Variants in ZNF124 observed in about 807,000 individuals in gnomAD.
ZNF124 encodes the protein zinc finger protein HZF-16.
Under a neutral mutation model 26.6 loss-of-function variants are expected in ZNF124, and 25 were observed. The observed-to-expected ratio is 0.94, with a 90% confidence interval of 0.68 to 1.31. ZNF124 has a LOEUF of 1.31. Among genes scored for constraint, ZNF124 ranks in the 40% most tolerant of loss-of-function variants. ZNF124 has a pLI of 0.00. For synonymous variants in ZNF124, 129 were observed against 133.3 expected, an observed-to-expected ratio of 0.97 and a Z score of 0.22; for missense variants, 444 against 422.2, an observed-to-expected ratio of 1.05 and a Z score of -0.45.
chr1:247,149,282 G>A (rs371944892), intron 3 of ZNF124, among the ~76,000 whole-genome samples: 5 of 152,156 alleles, frequency 3.3e-5, no homozygotes, highest in Non-Finnish European at 2.9e-5. Flanking sequence ...ATAAAAAACC[G>A]TAAGGTGGCT....
chr1:247,156,460 G>T lies in ZNF124; in HGVS notation c.*106C>A. 1 of 1,343,864 alleles carries T rather than the reference G, an allele frequency of 7.4e-7. No individual in the cohort carries two copies. Among genetic ancestry groups the T allele is most frequent in the South Asian group, 2.2e-5 (1 of 44,522 alleles). The allele number at this position is 1,343,864 out of a possible 1,614,324, so 83.2% of individuals were successfully genotyped here. A position where few individuals can be genotyped will look rare whatever the true frequency, so the allele number is the denominator to read the frequency against. Reference sequence around the variant, plus strand: ...CCAGTTTGATTCGTTTCATGTATTTGAGGAAATCTGGGAAAATTAAGTACT... The same window carrying T: ...CCAGTTTGATTCGTTTCATGTATTTTAGGAAATCTGGGAAAATTAAGTACT... On this transcript the variant is annotated 3_prime_UTR_variant, in exon 4 of 4. Coordinates refer to ENST00000543802, the MANE Select transcript of ZNF124 (RefSeq NM_001297568.2).
downstream of ZNF124, among the ~76,000 whole-genome samples, chr1:247,154,135 G>C (rs1043647751): frequency 4.7e-5 from 7 of 149,378 alleles, no homozygotes; most frequent in African/African-American, 7.5e-5. Context: ...CACACACACA[G>C]ATATAAGTTG....
intron 3 of ZNF124, among the ~76,000 whole-genome samples, chr1:247,143,228 C>T (rs545645172): frequency 8.5e-5 from 13 of 152,136 alleles, no homozygotes; most frequent in Non-Finnish European, 1.6e-4. Flanking sequence ...TCAAGACACA[C>T]CCAAATGCCT....
chr1:247,168,102 G>T lies in ZNF124; in HGVS notation c.30+3746C>A, dbSNP rs909863269. Among the ~76,000 whole-genome samples the T allele has an allele frequency of 5.9e-5, 9 of 152,228 alleles. No individual in the cohort carries two copies. The highest frequency in any genetic ancestry group is 1.9e-4 in the African/African-American group (8 of 41,466). On this transcript the variant is annotated intron_variant, in intron 1 of 3. Transcript: ENST00000543802. This position sits in a 1 kb window ranked among gnomAD's most constrained non-coding sequence, Gnocchi z 4.0. Reference sequence around the variant, plus strand: ...GAACAGGGAACACTTCTACACTGCTGATGGGAGTGTCAACTAGTACAACCG... The same window carrying T: ...GAACAGGGAACACTTCTACACTGCTTATGGGAGTGTCAACTAGTACAACCG...
At position 247,157,271 on chromosome 1, in the gene ZNF124, A is replaced by C; in HGVS notation, c.351T>G (p.Thr117=). ...TRVHRDTVMH[T]GNGHYGCTIC... ...TTGTACAACCATAATGTCCATTTCC[A>C]GTGTGCATTACTGTGTCTCTGTGAA... The change falls in exon 4 of 4, where the codon ACT becomes ACG. Residue 117 remains threonine (T), a synonymous_variant. Coordinates refer to ENST00000543802, the MANE Select transcript of ZNF124 (RefSeq NM_001297568.2). 1 of 1,611,942 alleles carries C rather than the reference A, an allele frequency of 6.2e-7. No individual in the cohort carries two copies. The highest frequency in any genetic ancestry group is 1.1e-5 in the South Asian group (1 of 90,880).
At chr1:247,158,074 A>G (rs542326827) in intron 3 of ZNF124, among the ~76,000 whole-genome samples, 1 of 152,260 alleles carries the variant, frequency 6.6e-6, no homozygotes, top group African/African-American at 2.4e-5. Flanking sequence ...ACATGGTGAA[A>G]TGCTGTCTCT....
chr1:247,132,779 C>T (rs1255907415), intron 3 of ZNF124, among the ~76,000 whole-genome samples: 1 of 152,174 alleles, frequency 6.6e-6, no homozygotes, highest in Non-Finnish European at 1.5e-5. Flanking sequence ...TGTTCTGTTC[C>T]GTTCTGATTA....
intron 2 of ZNF124, 60 bp downstream of exon 2, chr1:247,159,627 T>C: frequency 1.3e-6 from 2 of 1,566,336 alleles, no homozygotes; most frequent in South Asian, 1.1e-5. Context: ...GGAATGACAT[T>C]GAAAACCATG....
chr1:247,159,598 T>G (rs1673355922), intron 2 of ZNF124, 89 bp downstream of exon 2: 4 of 1,440,668 alleles, frequency 2.8e-6, no homozygotes, highest in Non-Finnish European at 3.8e-6. Context: ...AAGTGTTCCC[T>G]TTGTACATTC....
chr1:247,166,519 C>T (rs1310854625), intron 1 of ZNF124, among the ~76,000 whole-genome samples: 1 of 152,136 alleles, frequency 6.6e-6, no homozygotes, highest in Non-Finnish European at 1.5e-5. Context: ...CTATTGTGTA[C>T]ATGTACCCCT....
intron 3 of ZNF124, among the ~76,000 whole-genome samples, chr1:247,146,897 C>T (rs973526584): frequency 3.9e-5 from 6 of 152,142 alleles, no homozygotes; most frequent in East Asian, 3.9e-4. Context: ...GAACAGGTAC[C>T]GGGGGGTAGC....
chr1:247,137,457 CAT>C, intron 3 of ZNF124, among the ~76,000 whole-genome samples: 1 of 104,012 alleles, frequency 9.6e-6, no homozygotes, highest in Non-Finnish European at 1.8e-5. Context: ...GCCTGGCCAA[CAT>C]AGCGAAACCC....
chr1:247,151,753 A>G (rs1672951760), downstream of ZNF124, among the ~76,000 whole-genome samples: 1 of 152,158 alleles, frequency 6.6e-6, no homozygotes, highest in African/African-American at 2.4e-5. Context: ...ACTAAAACAC[A>G]TGCATATGTG....
At chr1:247,159,984 T>TTTG in intron 1 of ZNF124, 171 bp from the exon 2 acceptor site, 1 of 424,326 alleles carries the variant, frequency 2.4e-6, no homozygotes, top group Non-Finnish European at 3.4e-6. Flanking sequence ...CAGTTCTTTT[T>TTTG]TTTTTTTTTT....
intron 3 of ZNF124, among the ~76,000 whole-genome samples, chr1:247,127,807 GT>G (rs1212702320): frequency 4.7e-5 from 7 of 149,774 alleles, no homozygotes; most frequent in Non-Finnish European, 7.5e-5. Flanking sequence ...GGGGAGCTCG[GT>G]TTTTTGGAGA....
chr1:247,156,063 A>G lies in ZNF124; in HGVS notation c.*503T>C, dbSNP rs1421200450. On this transcript the variant is annotated 3_prime_UTR_variant, in exon 4 of 4. Coordinates refer to ENST00000543802, the MANE Select transcript of ZNF124 (RefSeq NM_001297568.2). ...AAGGTTTTCCATAATATTTACATTTACAGGATTTATTTCCAGTGGGAGTTT... is the reference window on the plus strand; with the variant it reads ...AAGGTTTTCCATAATATTTACATTTGCAGGATTTATTTCCAGTGGGAGTTT... 2 of 971,472 alleles carry G rather than the reference A, an allele frequency of 2.1e-6. No homozygotes were observed. Among genetic ancestry groups the G allele is most frequent in the African/African-American group, 3.5e-5 (2 of 56,940 alleles). 60.2% of individuals were successfully genotyped at this position (971,472 alleles called of 1,614,324 possible).
At chr1:247,129,976 A>G (rs6687323) in intron 3 of ZNF124, among the ~76,000 whole-genome samples, 2,771 of 122,682 alleles carry the variant, frequency 0.023, 40 homozygotes, top group African/African-American at 0.05. Context: ...GGGAGGGTGG[A>G]CATTGAGTAC....
At chr1:247,142,803 T>C (rs1412225756) in intron 3 of ZNF124, among the ~76,000 whole-genome samples, 1 of 151,960 alleles carries the variant, frequency 6.6e-6, no homozygotes, top group Non-Finnish European at 1.5e-5. Context: ...ATTCATCTTA[T>C]GTATTGTAGA....
chr1:247,151,324 A>G (rs1672931991), downstream of ZNF124, among the ~76,000 whole-genome samples: 1 of 151,940 alleles, frequency 6.6e-6, no homozygotes, highest in Non-Finnish European at 1.5e-5. Flanking sequence ...CTAAAAATAC[A>G]AAAAATTAGC....
Sources: gnomAD v4.1 joint callset for allele counts (sites outside exome capture counted in the v4.1 genomes callset) on GRCh38, gnomAD v4.1.1 for gene constraint, Gnocchi (gnomAD v3.1) non-coding constraint, MANE v1.5 for transcripts, NCBI Gene and HGNC (gene_info 2026-07-23, HGNC 2026-07-21) for gene names.